COL1A1: variants seen among roughly 807,000 people sequenced by gnomAD.
COL1A1 encodes collagen type I alpha 1 chain, also known as collagen alpha-1(I) chain.
In COL1A1, 21 loss-of-function variants were observed where a neutral mutation model predicts 195.7. The observed-to-expected ratio is 0.11, with a 90% CI of 0.08 to 0.15. The LOEUF (loss-of-function observed/expected upper bound fraction) is 0.15, where lower values mean the gene tolerates loss of function less well. COL1A1 is among the 10% of genes least tolerant of loss of function. The pLI is 1.00. For missense variants in COL1A1, 1,365 were observed against 2,051.0 expected, an observed-to-expected ratio of 0.67 and a Z score of 6.46; for synonymous variants, 749 against 747.3, an observed-to-expected ratio of 1.00 and a Z score of -0.04.
intron 46 of COL1A1, 121 bp downstream of exon 46, chr17:50,187,363 C>G: frequency 9.8e-7 from 1 of 1,016,580 alleles, no homozygotes; most frequent in East Asian, 2.5e-5. Flanking sequence ...CCTCTCTTTG[C>G]CCACTCCCTG....
rs375347948 is a variant in COL1A1 at position 50,196,289 on chromosome 17, C to T, written c.957+25G>A. ...GGAGCCCCTTCCAGAGCTCAGGGAT[C>T]CCCCAAGGGGCCAGGAGTACTTACA... is the stretch of plus-strand genomic sequence containing the variant. On this transcript the variant is annotated intron_variant, in intron 14 of 50. Transcript: ENST00000225964. The T allele has an allele frequency of 2.0e-4, 320 of 1,607,918 alleles. 1 individual carries two copies. The highest frequency in any genetic ancestry group is 2.5e-4 in the Non-Finnish European group (299 of 1,176,942).
chr17:50,196,080 C>A, intron 15 of COL1A1, 75 bp downstream of exon 15: 1 of 1,608,810 alleles, frequency 6.2e-7, no homozygotes, highest in Non-Finnish European at 8.5e-7. Flanking sequence ...TAACCTGCTC[C>A]CATTGTCAGC....
chr17:50,187,401 A>T, intron 46 of COL1A1, 83 bp downstream of exon 46: 1 of 1,409,900 alleles, frequency 7.1e-7, no homozygotes, highest in Non-Finnish European at 1.0e-6. Flanking sequence ...AGAGAGGCAA[A>T]GGGTGCCTGG....
Position 50,186,127 on chromosome 17 carries a change from T to C in COL1A1, c.4006-107A>G, listed in dbSNP as rs1196163220. The stretch of plus-strand genomic sequence containing the variant: ...CAGAGAGCTGCCCAATGCACCGTTA[T>C]ATCGAGAGGAGGCACCACCTGCCCA... On this transcript the variant is annotated intron_variant, in intron 49 of 50. Coordinates refer to ENST00000225964, the MANE Select transcript of COL1A1 (RefSeq NM_000088.4). The surrounding 1 kb of genome is among the most constrained non-coding windows in gnomAD (Gnocchi z 5.3). 6 of 1,557,416 alleles carry C rather than the reference T, an allele frequency of 3.9e-6. No individual in the cohort carries two copies. In the African/African-American group the frequency reaches 8.1e-5, roughly 21 times the overall value.
chr17:50,191,589 CCAA>C, intron 31 of COL1A1, 99 bp from the exon 32 acceptor site: 1 of 1,262,948 alleles, frequency 7.9e-7, no homozygotes, highest in South Asian at 1.2e-5. Flanking sequence ...GTTTCCAAGG[CCAA>C]CGACAAGCCT....
rs1598281992 is a variant in COL1A1, at chr17:50,184,254, C to G, written c.*1248G>C. 4.3e-6 allele frequency: 1 copy of G among 230,840 alleles called. No individual in the cohort carries two copies. Among genetic ancestry groups the G allele is most frequent in the African/African-American group, 2.2e-5 (1 of 45,088 alleles). The allele number at this position is 230,840 out of a possible 1,614,324, so 14.3% of individuals were successfully genotyped here. Reference sequence around the variant, plus strand: ...GTGCTTTGGGAAGTTGTCTCTGAAACCCGGGGACAGAGGACGCAGGACAGA... The same window carrying G: ...GTGCTTTGGGAAGTTGTCTCTGAAAGCCGGGGACAGAGGACGCAGGACAGA... On this transcript the variant is annotated 3_prime_UTR_variant, in exon 51 of 51. Transcript: ENST00000225964.
Position 50,189,557 on chromosome 17 carries a change from G to C in COL1A1, c.2668-19C>G. 1 of 1,612,960 alleles carries C rather than the reference G, an allele frequency of 6.2e-7. No homozygotes were observed. The highest frequency in any genetic ancestry group is 8.5e-7 in the Non-Finnish European group (1 of 1,179,730). On this transcript the variant is annotated intron_variant, in intron 38 of 50. Transcript: ENST00000225964. The surrounding 1 kb of genome is among the most constrained non-coding windows in gnomAD (Gnocchi z 5.5). Reference sequence around the variant, plus strand: ...CATTTCCCTGGATGAGGATAGGAGGGGCTGTCAGACTCCAGGGGGCTCTGG... The same window carrying C: ...CATTTCCCTGGATGAGGATAGGAGGCGCTGTCAGACTCCAGGGGGCTCTGG...
At chr17:50,193,717 A>G in intron 25 of COL1A1, 1 of 554,272 alleles carries the variant, frequency 1.8e-6, no homozygotes, top group Non-Finnish European at 3.3e-6. Flanking sequence ...TCCTGACCTC[A>G]TGGTCTGCCC....
rs1028849209 is a variant in COL1A1 at position 50,186,129 on chromosome 17, T to C, written c.4006-109A>G. 15 of 1,554,458 alleles carry C rather than the reference T, an allele frequency of 9.6e-6. No homozygotes were observed. In the African/African-American group the frequency reaches 1.8e-4, roughly 18 times the overall value. On this transcript the variant is annotated intron_variant, in intron 49 of 50. Coordinates refer to ENST00000225964, the MANE Select transcript of COL1A1 (RefSeq NM_000088.4). This position sits in a 1 kb window ranked among gnomAD's most constrained non-coding sequence, Gnocchi z 5.3. ...GAGAGCTGCCCAATGCACCGTTATA[T>C]CGAGAGGAGGCACCACCTGCCCATC...
Position 50,191,375 on chromosome 17 carries a change from G to T in COL1A1, c.2235+8C>A. 1 of 1,613,162 alleles carries T rather than the reference G, an allele frequency of 6.2e-7. No individual in the cohort carries two copies. The highest frequency in any genetic ancestry group is 8.5e-7 in the Non-Finnish European group (1 of 1,179,114). On this transcript the variant is annotated splice_region_variant and intron_variant, in intron 32 of 50. Coordinates refer to ENST00000225964, the MANE Select transcript of COL1A1 (RefSeq NM_000088.4). Reference sequence around the variant, plus strand: ...TAGGGCTCAGGGGAGGGGGAAGGTTGAACTTACTCTGTCACCCTTAGGCCC... The same window carrying T: ...TAGGGCTCAGGGGAGGGGGAAGGTTTAACTTACTCTGTCACCCTTAGGCCC...
At chr17:50,193,477 CT>C (rs1250779126) in intron 25 of COL1A1, 18 of 189,348 alleles carry the variant, frequency 9.5e-5, no homozygotes, top group African/African-American at 5.1e-4. Flanking sequence ...TTCTTTCTTT[CT>C]TTCTTCTTTT....
Position 50,188,913 on chromosome 17 carries a change from G to T in COL1A1, c.3035C>A (p.Ser1012Tyr). The T allele has an allele frequency of 6.2e-7, 1 of 1,609,262 alleles. No homozygotes were observed. The highest frequency in any genetic ancestry group is 8.5e-7 in the Non-Finnish European group (1 of 1,175,774). Reference sequence around the variant, plus strand: ...CTGGGGACTGCTCACCTCACGTCCAGATTCACCAGGGGGTCCAGCCAATCC... The same window carrying T: ...CTGGGGACTGCTCACCTCACGTCCATATTCACCAGGGGGTCCAGCCAATCC... Reference protein sequence around the residue: ...PPGLAGPPGESGREGAPGAEG... With the variant: ...PPGLAGPPGEYGREGAPGAEG... The change falls in exon 41 of 51, where the codon TCT becomes TAT. Residue 1012 changes from serine to tyrosine, a missense_variant. Transcript: ENST00000225964. This position sits in a 1 kb window ranked among gnomAD's most constrained non-coding sequence, Gnocchi z 5.6.
At position 50,191,396 on chromosome 17, in the gene COL1A1, G is replaced by A; in HGVS notation, c.2222C>T (p.Pro741Leu). ...GERGAAGLPGPKGDRGDAGPK... is the reference protein window; with the variant it reads ...GERGAAGLPGLKGDRGDAGPK... ...GGTTGAACTTACTCTGTCACCCTTA[G>A]GCCCTGGAAGACCAGCTGCACCACG... Residue 741 changes from proline (P) to leucine (L), a missense_variant, in exon 32 of 51, where the codon CCT becomes CTT. Pro to Leu is a moderately conservative substitution (Grantham distance 98). Around this residue, in one of 5 missense-constraint regions of COL1A1, gnomAD observed 671 missense variants for 1,099.9 expected, o/e 0.61. Transcript: ENST00000225964. The A allele has an allele frequency of 1.2e-6, 2 of 1,614,018 alleles. No homozygotes were observed. Among genetic ancestry groups the A allele is most frequent in the Non-Finnish European group, 1.7e-6 (2 of 1,179,922 alleles).
In COL1A1 at chr17:50,189,349, A is replaced by G; in HGVS notation, c.2829+28T>C. 1 of 1,613,698 alleles carries G rather than the reference A, an allele frequency of 6.2e-7. No individual in the cohort carries two copies. Among genetic ancestry groups the G allele is most frequent in the Non-Finnish European group, 8.5e-7 (1 of 1,179,932 alleles). On this transcript the variant is annotated intron_variant, in intron 39 of 50. Transcript: ENST00000225964. This position sits in a 1 kb window ranked among gnomAD's most constrained non-coding sequence, Gnocchi z 5.5. ...CCTCCCCAGCTCTGCACACCTCCGG[A>G]GCTGCAGAGATCTGAGCTGGCACTT...
chr17:50,197,159 C>G, intron 10 of COL1A1, 21 bp downstream of exon 10: 2 of 1,614,012 alleles, frequency 1.2e-6, no homozygotes, highest in Middle Eastern at 1.7e-4. Context: ...AGCCCAGGTT[C>G]AGCCACAGCC....
rs1399479679 is a variant in COL1A1 at position 50,190,556 on chromosome 17, G to A, written c.2384C>T (p.Ala795Val). 6 of 1,612,786 alleles carry A rather than the reference G, an allele frequency of 3.7e-6. No homozygotes were observed. In the South Asian group the frequency reaches 5.5e-5, roughly 15 times the overall value. ...TTCTGTACTTACGGGGGCACCACGA[G>A]CTCCAGTGGGACCAGCAGGGCCGCT... ...GPSGPAGPTG[A>V]RGAPGDRGEP... The change falls in exon 34 of 51, where the codon GCT becomes GTT. Residue 795 changes from alanine to valine, a missense_variant. This residue lies in a region of COL1A1 where 671 missense variants were observed against 1,099.9 expected (regional missense o/e 0.61). Transcript: ENST00000225964. The surrounding 1 kb of genome is among the most constrained non-coding windows in gnomAD (Gnocchi z 4.7).
In COL1A1 at chr17:50,189,945, C is replaced by G. The variant is rs750152461; in HGVS notation, c.2560-33G>C. ...AGAGCACAGAGGCATCAAGCCTGGA[C>G]CCGTCCTGGGTCCCAGCCCACCAGC... On this transcript the variant is annotated intron_variant, in intron 36 of 50. Coordinates refer to ENST00000225964, the MANE Select transcript of COL1A1 (RefSeq NM_000088.4). The surrounding 1 kb of genome is among the most constrained non-coding windows in gnomAD (Gnocchi z 5.5). The G allele has an allele frequency of 1.3e-5, 21 of 1,611,592 alleles. No homozygotes were observed. The East Asian group carries it at 4.5e-4, about 34-fold the overall frequency.
At position 50,190,729 on chromosome 17, in the gene COL1A1, C is replaced by T. The variant is rs1907001141; in HGVS notation, c.2343+88G>A. The T allele has an allele frequency of 6.7e-7, 1 of 1,486,370 alleles. No homozygotes were observed. The highest frequency in any genetic ancestry group is 1.1e-5 in the South Asian group (1 of 87,764). The allele number at this position is 1,486,370 out of a possible 1,614,324, so 92.1% of individuals were successfully genotyped here. ...TGACAGCTCAGTTTGGCAGGACCTG[C>T]TCTCCCAACGCAACCCCACGGAACC... On this transcript the variant is annotated intron_variant, in intron 33 of 50. Transcript: ENST00000225964. The surrounding 1 kb of genome is among the most constrained non-coding windows in gnomAD (Gnocchi z 4.7).
At chr17:50,198,952 T>C (rs1907826783) in intron 5 of COL1A1, among the ~76,000 whole-genome samples, 1 of 152,130 alleles carries the variant, frequency 6.6e-6, no homozygotes, top group Admixed American at 6.5e-5. Flanking sequence ...GAGAATGCTC[T>C]TGTTTTTAGG....
Sources: gnomAD v4.1 joint callset for allele counts (sites outside exome capture counted in the v4.1 genomes callset) on GRCh38, gnomAD v4.1.1 for gene constraint, gnomAD v4.1.1 regional missense constraint, Gnocchi (gnomAD v3.1) non-coding constraint, MANE v1.5 for transcripts, NCBI Gene and HGNC (gene_info 2026-07-23, HGNC 2026-07-21) for gene names.